PPHLN1: variants seen among roughly 807,000 people sequenced by gnomAD.
The protein encoded by PPHLN1 is periphilin-1.
In PPHLN1, 29 loss-of-function variants were observed where a neutral mutation model predicts 51.3. The ratio of observed to expected loss-of-function variants is 0.57; its 90% confidence interval spans 0.42 to 0.77. PPHLN1 has a LOEUF of 0.77. PPHLN1 is among the 30% of genes least tolerant of loss of function. The probability of loss-of-function intolerance (pLI) is 0.00; values close to 1 mark genes in which losing one functional copy is unlikely to be tolerated. For synonymous variants in PPHLN1, 147 were observed against 147.8 expected (o/e 0.99, Z 0.04); for missense variants, 436 against 438.4 (o/e 0.99, Z 0.05).
At chr12:42,342,179 G>C (rs2071610533) in intron 2 of PPHLN1, among the ~76,000 whole-genome samples, 1 of 152,152 alleles carries the variant, frequency 6.6e-6, no homozygotes, top group Non-Finnish European at 1.5e-5. Flanking sequence ...TAATTTCTAT[G>C]AGCTTAGTTA....
chr12:42,370,466 A>T (rs1171162365), intron 4 of PPHLN1, among the ~76,000 whole-genome samples: 1 of 151,872 alleles, frequency 6.6e-6, no homozygotes, highest in Non-Finnish European at 1.5e-5. Flanking sequence ...GTTGTATTTT[A>T]TTTTCTTGAA....
intron 5 of PPHLN1, among the ~76,000 whole-genome samples, chr12:42,381,434 C>T (rs552651798): frequency 3.9e-5 from 6 of 152,240 alleles, no homozygotes; most frequent in East Asian, 3.9e-4. Context: ...AATGAGCTCA[C>T]GTGGTTTTTA....
At chr12:42,409,144 G>A (rs1291887835) in intron 9 of PPHLN1, among the ~76,000 whole-genome samples, 1 of 151,980 alleles carries the variant, frequency 6.6e-6, no homozygotes, top group Non-Finnish European at 1.5e-5. Flanking sequence ...TTGGACCATG[G>A]TTGACCTTGG....
chr12:42,376,689 G>T (rs2076292120), intron 5 of PPHLN1, among the ~76,000 whole-genome samples: 1 of 152,138 alleles, frequency 6.6e-6, no homozygotes, highest in Non-Finnish European at 1.5e-5. Flanking sequence ...TACTCAGAAG[G>T]CTGAGGTAGG....
chr12:42,403,559 TTTAG>T (rs1406081686), intron 9 of PPHLN1, among the ~76,000 whole-genome samples: 1 of 152,202 alleles, frequency 6.6e-6, no homozygotes, highest in Non-Finnish European at 1.5e-5. Context: ...TTAAAGGTAA[TTTAG>T]TTATTTTGTA....
chr12:42,400,798 T>TTCA (rs1555209232), intron 9 of PPHLN1, among the ~76,000 whole-genome samples: 203 of 142,606 alleles, frequency 1.4e-3, no homozygotes, highest in African/African-American at 4.2e-3. Flanking sequence ...TCTCTCTCTT[T>TTCA]CACACACACA....
At chr12:42,411,154 C>G (rs2079774702) in intron 9 of PPHLN1, among the ~76,000 whole-genome samples, 1 of 151,776 alleles carries the variant, frequency 6.6e-6, no homozygotes, top group Non-Finnish European at 1.5e-5. Flanking sequence ...ATTTTCCTTA[C>G]ACTTTTTTGT....
chr12:42,410,925 A>G (rs1565969407), intron 9 of PPHLN1, among the ~76,000 whole-genome samples: 1 of 152,198 alleles, frequency 6.6e-6, no homozygotes, highest in Admixed American at 6.5e-5. Flanking sequence ...TACTTTTGAT[A>G]TGCAGTTTCA....
At chr12:42,402,576 G>A (rs2078939029) in intron 9 of PPHLN1, among the ~76,000 whole-genome samples, 2 of 151,996 alleles carry the variant, frequency 1.3e-5, no homozygotes, top group African/African-American at 4.8e-5. Context: ...GTCTCTTCCT[G>A]ATCTAAATCA....
chr12:42,374,817 G>A (rs571365129), intron 4 of PPHLN1, 46 bp from the exon 5 acceptor site: 1 of 1,445,814 alleles, frequency 6.9e-7, no homozygotes. Context: ...TGTATATAGA[G>A]GATAGAGTAT....
At chr12:42,410,283 C>G (rs2079691289) in intron 9 of PPHLN1, among the ~76,000 whole-genome samples, 1 of 151,920 alleles carries the variant, frequency 6.6e-6, no homozygotes. Context: ...TTACTTGAAT[C>G]TGGCATTAAG....
intron 7 of PPHLN1, among the ~76,000 whole-genome samples, chr12:42,388,608 T>G (rs2077400959): frequency 6.6e-6 from 1 of 152,054 alleles, no homozygotes; most frequent in South Asian, 2.1e-4. Flanking sequence ...TGGGCCCACT[T>G]TTCTTTCTCT....
At chr12:42,398,730 C>A in intron 8 of PPHLN1, 124 bp from the exon 9 acceptor site, 1 of 789,956 alleles carries the variant, frequency 1.3e-6, no homozygotes, top group Non-Finnish European at 1.9e-6. Flanking sequence ...AGAGAGTTTT[C>A]TTTTCTTAAA....
chr12:42,328,018 A>G (rs1308927180), intron 1 of PPHLN1, among the ~76,000 whole-genome samples: 2 of 152,066 alleles, frequency 1.3e-5, no homozygotes, highest in East Asian at 3.8e-4. Context: ...AGTGGAATAG[A>G]ATTTTATTAA....
intron 4 of PPHLN1, among the ~76,000 whole-genome samples, chr12:42,362,136 T>G (rs1350838492): frequency 1.3e-5 from 2 of 152,236 alleles, no homozygotes; most frequent in Admixed American, 1.3e-4. Flanking sequence ...TTCCTAATGA[T>G]GACTAGTGGT....
chr12:42,329,585 T>C (rs1271614615), intron 1 of PPHLN1, among the ~76,000 whole-genome samples: 1 of 152,102 alleles, frequency 6.6e-6, no homozygotes, highest in Non-Finnish European at 1.5e-5. Flanking sequence ...TTAATACAGA[T>C]TAAACCCTCA....
At chr12:42,389,867 A>G (rs2077534354) in intron 7 of PPHLN1, among the ~76,000 whole-genome samples, 1 of 152,224 alleles carries the variant, frequency 6.6e-6, no homozygotes, top group South Asian at 2.1e-4. Context: ...ATTCTATAGT[A>G]GAGTGAGGGC....
intron 9 of PPHLN1, among the ~76,000 whole-genome samples, chr12:42,434,388 TAAATG>T (rs972448595): frequency 6.6e-6 from 1 of 152,174 alleles, no homozygotes; most frequent in Non-Finnish European, 1.5e-5. Flanking sequence ...TAAAAATAAA[TAAATG>T]GTATTTGTAA....
intron 9 of PPHLN1, among the ~76,000 whole-genome samples, chr12:42,431,396 A>G (rs1184994313): frequency 6.6e-6 from 1 of 152,212 alleles, no homozygotes; most frequent in Non-Finnish European, 1.5e-5. Context: ...CCATATTTTG[A>G]AAAGAAAATA....
Sources: gnomAD v4.1 joint callset for allele counts (sites outside exome capture counted in the v4.1 genomes callset) on GRCh38, gnomAD v4.1.1 for gene constraint, MANE v1.5 for transcripts, NCBI Gene and HGNC (gene_info 2026-07-23, HGNC 2026-07-21) for gene names.